Variants in LRCH2 observed in about 807,000 individuals in gnomAD.
LRCH2 encodes leucine-rich repeat and calponin homology domain-containing protein 2.
In LRCH2, 38 loss-of-function variants were observed where a neutral mutation model predicts 68.9. The ratio of observed to expected loss-of-function variants is 0.55; its 90% confidence interval spans 0.43 to 0.72. The LOEUF is 0.72. LRCH2 is among the 30% of genes least tolerant of loss of function. LRCH2 has a pLI of 0.00. For synonymous variants in LRCH2, 191 were observed against 208.1 expected, an observed-to-expected ratio of 0.92 and a Z score of 0.71; for missense variants, 528 against 572.9, an observed-to-expected ratio of 0.92 and a Z score of 0.80.
chrX:115,137,993 G>C (rs2072304261), intron 14 of LRCH2, among the ~76,000 whole-genome samples: 1 of 111,156 alleles, frequency 9.0e-6, no homozygotes, highest in Non-Finnish European at 1.9e-5. Context: ...AGAGCAAAGA[G>C]ATAAGGCAAC....
intron 1 of LRCH2, among the ~76,000 whole-genome samples, chrX:115,218,008 T>C (rs1174503793): frequency 8.9e-6 from 1 of 111,922 alleles, no homozygotes; most frequent in Non-Finnish European, 1.9e-5. Flanking sequence ...CTTATGTTTG[T>C]TGGCTGCATA....
At chrX:115,190,893 A>C (rs1556558289) in intron 1 of LRCH2, 6 of 1,162,206 alleles carry the variant, frequency 5.2e-6, no homozygotes, top group Non-Finnish European at 6.9e-6. Context: ...CCAACAGTGG[A>C]GGCTGCTCGC....
chrX:115,190,916 G>C, intron 1 of LRCH2: 2 of 1,165,834 alleles, frequency 1.7e-6, no homozygotes, highest in African/African-American at 1.8e-5. Flanking sequence ...GAGGCCTACA[G>C]TGGGGGCCAC....
At chrX:115,184,927 G>A (rs907094367) in intron 2 of LRCH2, among the ~76,000 whole-genome samples, 4 of 111,838 alleles carry the variant, frequency 3.6e-5, no homozygotes, top group Middle Eastern at 4.7e-3. Flanking sequence ...AATAATGTCA[G>A]AACTTTGCTC....
intron 1 of LRCH2, chrX:115,190,631 C>CCAA (rs1556557684): frequency 2.1e-5 from 24 of 1,155,805 alleles, no homozygotes; most frequent in Middle Eastern, 2.3e-4. Flanking sequence ...GGCCGCTCGC[C>CCAA]CGACGCCCAC....
At chrX:115,215,123 A>G (rs887325527) in intron 1 of LRCH2, among the ~76,000 whole-genome samples, 1 of 112,410 alleles carries the variant, frequency 8.9e-6, no homozygotes, top group Admixed American at 9.5e-5. Flanking sequence ...AACTTTTACT[A>G]AAATAAAATC....
intron 1 of LRCH2, among the ~76,000 whole-genome samples, chrX:115,195,332 T>C (rs975696296): frequency 1.8e-5 from 2 of 108,313 alleles, no homozygotes; most frequent in African/African-American, 6.7e-5. Flanking sequence ...TTCTATTAAA[T>C]CACAGAAATG....
At position 115,233,555 on chromosome X, in the gene LRCH2, G is replaced by A. The variant is rs782170887; in HGVS notation, c.349+138C>T. 42 of 583,917 alleles carry A rather than the reference G, an allele frequency of 7.2e-5. No individual in the cohort carries two copies. In the African/African-American group the frequency reaches 8.9e-4, roughly 12 times the overall value. The allele number at this position is 583,917 out of a possible 1,213,427, so 48.1% of individuals were successfully genotyped here. A position where few individuals can be genotyped will look rare whatever the true frequency, so the allele number is the denominator to read the frequency against. On this transcript the variant is annotated intron_variant, in intron 1 of 20. Coordinates refer to ENST00000317135, the MANE Select transcript of LRCH2 (RefSeq NM_020871.4). ...ATTCGCCCCTCACGTTCAGGAGAAC[G>A]GGCTGCCCCGACTTTGTTAGTCTGG...
intron 14 of LRCH2, among the ~76,000 whole-genome samples, chrX:115,149,618 T>C (rs1440678380): frequency 8.9e-6 from 1 of 111,733 alleles, no homozygotes; most frequent in African/African-American, 3.2e-5. Context: ...TGGTAAATCA[T>C]AATTTATATT....
Position 115,184,173 on chromosome X carries a change from A to G in LRCH2, c.621+238T>C, listed in dbSNP as rs138039284. 6.2e-3 allele frequency among the ~76,000 whole-genome samples: 699 copies of G among 112,280 alleles called. 4 individuals carry two copies. The highest frequency in any genetic ancestry group is 0.022 in the African/African-American group (669 of 30,966). ...TATTCATTTGAAAAGTATTTCTTAA[A>G]GTTTGTAAGCAAGCCTTCTGACGTC... On this transcript the variant is annotated intron_variant, in intron 3 of 20. Transcript: ENST00000317135.
chrX:115,203,620 C>A (rs1556566988), intron 1 of LRCH2, among the ~76,000 whole-genome samples: 1 of 112,516 alleles, frequency 8.9e-6, no homozygotes, highest in Non-Finnish European at 1.9e-5. Flanking sequence ...AGGCCCCATG[C>A]AAGTCCAAAA....
intron 1 of LRCH2, among the ~76,000 whole-genome samples, chrX:115,231,268 A>C (rs1471081648): frequency 3.6e-5 from 4 of 111,366 alleles, no homozygotes; most frequent in African/African-American, 9.8e-5. Context: ...CAAACAGATC[A>C]TTTTCATCAA....
At chrX:115,195,696 G>A (rs1556562938) in intron 1 of LRCH2, among the ~76,000 whole-genome samples, 1 of 111,546 alleles carries the variant, frequency 9.0e-6, no homozygotes. Context: ...ACAGCCTGTC[G>A]TGGTCAAGAC....
chrX:115,114,608 C>A (rs1556523580), intron 20 of LRCH2, among the ~76,000 whole-genome samples: 1 of 110,476 alleles, frequency 9.1e-6, no homozygotes, highest in Non-Finnish European at 1.9e-5. Flanking sequence ...CTAGGCTAAT[C>A]AGGAAGGAAA....
At chrX:115,192,616 G>A (rs1556561592) in intron 1 of LRCH2, 1 of 1,170,927 alleles carries the variant, frequency 8.5e-7, no homozygotes. Flanking sequence ...AGGCCGCTTC[G>A]AGAGGGGGGA....
At chrX:115,135,642 G>C (rs1431437538) in intron 14 of LRCH2, among the ~76,000 whole-genome samples, 3 of 111,885 alleles carry the variant, frequency 2.7e-5, no homozygotes, top group African/African-American at 9.8e-5. Flanking sequence ...CAGGGTTTTA[G>C]AGGATTGACT....
intron 12 of LRCH2, among the ~76,000 whole-genome samples, chrX:115,151,288 T>G (rs782679007): frequency 1.8e-5 from 2 of 110,530 alleles, no homozygotes; most frequent in Non-Finnish European, 3.8e-5. Flanking sequence ...TATAATAACT[T>G]CTGAAAAAAA....
intron 20 of LRCH2, among the ~76,000 whole-genome samples, chrX:115,120,008 A>C (rs1349356997): frequency 1.2e-4 from 13 of 110,796 alleles, no homozygotes; most frequent in South Asian, 3.9e-4. Context: ...ACACCTTATA[A>C]AAAAATTAAT....
chrX:115,164,667 G>A (rs956220770), intron 10 of LRCH2, among the ~76,000 whole-genome samples: 1 of 111,112 alleles, frequency 9.0e-6, no homozygotes, highest in Admixed American at 9.6e-5. Flanking sequence ...AGTGGTTTTA[G>A]GCATAAAACT....
Sources: gnomAD v4.1 joint callset for allele counts (sites outside exome capture counted in the v4.1 genomes callset) on GRCh38, gnomAD v4.1.1 for gene constraint, MANE v1.5 for transcripts, NCBI Gene and HGNC (gene_info 2026-07-23, HGNC 2026-07-21) for gene names.